The following USH2A variants were observed in gnomAD, a reference collection of about 807,000 sequenced individuals.
USH2A encodes Usher syndrome 2A (autosomal recessive, mild).
USH2A carries 443 observed loss-of-function variants against 538.9 expected under a neutral mutation model. The ratio of observed to expected loss-of-function variants is 0.82; its 90% confidence interval spans 0.76 to 0.89. The LOEUF (loss-of-function observed/expected upper bound fraction) is 0.89. Ranked by LOEUF, USH2A falls within the 40% of genes least tolerant of loss-of-function variation. The pLI is 0.00. For synonymous variants in USH2A, 2,413 were observed against 2,273.5 expected (o/e 1.06, Z -1.75); for missense variants, 6,633 against 6,324.8 (o/e 1.05, Z -1.65).
intron 43 of USH2A, among the ~76,000 whole-genome samples, chr1:215,873,952 C>A (rs534710444): frequency 9.2e-5 from 14 of 152,098 alleles, no homozygotes; most frequent in African/African-American, 3.4e-4. Flanking sequence ...AGTAAAATAA[C>A]CCTATTGTTT....
chr1:215,756,063 C>A (rs1212316779), intron 58 of USH2A, among the ~76,000 whole-genome samples: 3 of 152,084 alleles, frequency 2.0e-5, no homozygotes, highest in African/African-American at 7.2e-5. Context: ...AAAAATAATT[C>A]TTCAAACAAT....
At chr1:215,709,621 A>G (rs755397017) in intron 61 of USH2A, among the ~76,000 whole-genome samples, 26 of 145,224 alleles carry the variant, frequency 1.8e-4, no homozygotes, top group Non-Finnish European at 3.9e-4. Flanking sequence ...ACTTTTTGGA[A>G]GATAGATGCT....
intron 40 of USH2A, among the ~76,000 whole-genome samples, chr1:215,892,309 T>C (rs1665230130): frequency 6.6e-6 from 1 of 152,194 alleles, no homozygotes; most frequent in South Asian, 2.1e-4. Flanking sequence ...ATTCTCATTG[T>C]TGCCCTGAAG....
intron 18 of USH2A, among the ~76,000 whole-genome samples, chr1:216,196,997 A>C (rs928650584): frequency 3.3e-4 from 50 of 152,280 alleles, no homozygotes; most frequent in African/African-American, 1.1e-3. Flanking sequence ...TAAAGATAGG[A>C]AAGTGGATAG....
chr1:215,965,585 T>C, intron 36 of USH2A, 106 bp from the exon 37 acceptor site: 1 of 1,343,328 alleles, frequency 7.4e-7, no homozygotes. Flanking sequence ...AGTAAACTAT[T>C]TTGACAGTAG....
chr1:215,703,814 G>A (rs1659102829), intron 61 of USH2A, among the ~76,000 whole-genome samples: 1 of 152,088 alleles, frequency 6.6e-6, no homozygotes, highest in Non-Finnish European at 1.5e-5. Context: ...CTTTTCAGGG[G>A]AGTGGACAGT....
At chr1:216,125,664 G>T (rs2102598254) in intron 21 of USH2A, among the ~76,000 whole-genome samples, 1 of 152,210 alleles carries the variant, frequency 6.6e-6, no homozygotes, top group East Asian at 1.9e-4. Context: ...TTTTTTTAGT[G>T]GTTCCATCTC....
At position 215,986,286 on chromosome 1, in the gene USH2A, AT is replaced by A. The variant is rs769476786; in HGVS notation, c.6805+6733del. 3.7e-3 allele frequency among the ~76,000 whole-genome samples: 527 copies of A among 140,722 alleles called. 2 individuals carry two copies. Among genetic ancestry groups the A allele is most frequent in the African/African-American group, 0.013 (497 of 38,244 alleles). 92.3% of individuals were successfully genotyped at this position (140,722 alleles called of 152,430 possible). On this transcript the variant is annotated intron_variant, in intron 35 of 71. Transcript: ENST00000307340. ...AGGCACACACTACCACGCCTGGCTA[AT>A]TTTTTTTTTCTTTTTTCTTTTTCTT...
chr1:216,006,284 T>C (rs1292618680), intron 32 of USH2A, among the ~76,000 whole-genome samples: 2 of 152,214 alleles, frequency 1.3e-5, no homozygotes, highest in Admixed American at 6.5e-5. Context: ...TTCCCACCTC[T>C]TCCACTTGTC....
intron 43 of USH2A, among the ~76,000 whole-genome samples, chr1:215,872,053 C>G (rs79876982): frequency 6.6e-6 from 1 of 152,172 alleles, no homozygotes; most frequent in Non-Finnish European, 1.5e-5. Context: ...ATATAAATCA[C>G]GCTTCTGAAA....
chr1:215,801,653 C>T (rs1662336896), intron 49 of USH2A, among the ~76,000 whole-genome samples: 1 of 152,002 alleles, frequency 6.6e-6, no homozygotes, highest in Admixed American at 6.6e-5. Flanking sequence ...GAAGAACATC[C>T]CATGTTTATG....
chr1:216,276,882 G>A (rs1184422490), intron 11 of USH2A, among the ~76,000 whole-genome samples: 3 of 152,060 alleles, frequency 2.0e-5, no homozygotes, highest in South Asian at 4.1e-4. Flanking sequence ...CCCACAACAC[G>A]TGGGAATTAT....
intron 21 of USH2A, among the ~76,000 whole-genome samples, chr1:216,117,243 A>G (rs1558267035): frequency 6.6e-6 from 1 of 152,122 alleles, no homozygotes; most frequent in Non-Finnish European, 1.5e-5. Flanking sequence ...GAATACCTAA[A>G]CTATCATTAT....
intron 9 of USH2A, among the ~76,000 whole-genome samples, chr1:216,299,715 G>C (rs187168472): frequency 1.3e-4 from 20 of 152,194 alleles, no homozygotes; most frequent in Admixed American, 1.3e-3. Context: ...ATTACACACA[G>C]ATGAGCAAAA....
rs780210186 is a variant in USH2A, at chr1:216,422,309, A to G, written c.28T>C (p.Ser10Pro). MNCPVLSLG[S>P]GFLFQVIEML... ...TCAATGACCTGAAACAAGAAGCCAG[A>G]GCCCAATGAAAGAACTGGGCAATTC... The change falls in exon 2 of 72, where the codon TCT (serine) becomes CCT (proline). Residue 10 changes from serine to proline, a missense_variant. By Grantham distance (74) the Ser-to-Pro change is moderately conservative (BLOSUM62 -1). Transcript: ENST00000307340. The G allele has an allele frequency of 1.2e-6, 2 of 1,613,860 alleles. No individual in the cohort carries two copies. Among genetic ancestry groups the G allele is most frequent in the South Asian group, 1.1e-5 (1 of 91,086 alleles).
At chr1:215,779,333 A>G (rs1234258406) in intron 55 of USH2A, among the ~76,000 whole-genome samples, 1 of 152,200 alleles carries the variant, frequency 6.6e-6, no homozygotes, top group Non-Finnish European at 1.5e-5. Context: ...GCTAATGATA[A>G]TAAACATTAT....
At chr1:215,782,478 C>T (rs1276742417) in intron 53 of USH2A, among the ~76,000 whole-genome samples, 1 of 152,046 alleles carries the variant, frequency 6.6e-6, no homozygotes, top group Non-Finnish European at 1.5e-5. Flanking sequence ...ATATGCCTTG[C>T]TTGTTTTGAA....
chr1:215,747,054 C>T (rs1375725356), intron 58 of USH2A, among the ~76,000 whole-genome samples: 1 of 152,186 alleles, frequency 6.6e-6, no homozygotes, highest in South Asian at 2.1e-4. Context: ...TCTGTAGTCA[C>T]CACAGAATGA....
chr1:216,015,533 A>C (rs1175700603), intron 32 of USH2A, among the ~76,000 whole-genome samples: 1 of 152,220 alleles, frequency 6.6e-6, no homozygotes, highest in Non-Finnish European at 1.5e-5. Context: ...CATCACTGAG[A>C]TCCAGTCCTG....
Sources: allele counts gnomAD v4.1 joint callset (sites outside exome capture counted in the v4.1 genomes callset), GRCh38; gene constraint gnomAD v4.1.1; transcripts MANE v1.5; gene names NCBI Gene and HGNC (gene_info 2026-07-23, HGNC 2026-07-21).